The following CEP83 variants were observed in gnomAD, a reference collection of about 807,000 sequenced individuals.
CEP83 encodes the protein centrosomal protein of 83 kDa.
In CEP83, 70 loss-of-function variants were observed where a neutral mutation model predicts 101.9. That is an observed-to-expected ratio of 0.69 (90% CI 0.57 to 0.84). The LOEUF is 0.84. Among genes scored for constraint, CEP83 ranks in the 40% least tolerant of loss-of-function variants. The probability of loss-of-function intolerance (pLI) is 0.00; values close to 1 mark genes in which losing one functional copy is unlikely to be tolerated. For synonymous variants in CEP83, 264 were observed against 267.9 expected, an observed-to-expected ratio of 0.99 and a Z score of 0.14; for missense variants, 715 against 787.2, an observed-to-expected ratio of 0.91 and a Z score of 1.10.
intron 11 of CEP83, among the ~76,000 whole-genome samples, chr12:94,356,172 A>C (rs1206809806): frequency 6.6e-6 from 1 of 152,144 alleles, no homozygotes; most frequent in Admixed American, 6.5e-5. Flanking sequence ...AGTACTCTTA[A>C]AGCAATCCCT....
intron 11 of CEP83, among the ~76,000 whole-genome samples, chr12:94,341,798 C>T (rs745451246): frequency 6.6e-6 from 1 of 152,150 alleles, no homozygotes; most frequent in Non-Finnish European, 1.5e-5. Flanking sequence ...ACCTAAGGGT[C>T]AAGTTCATTA....
chr12:94,273,493 C>T, the CEP83 span, among the ~76,000 whole-genome samples: 1 of 152,268 alleles, frequency 6.6e-6, no homozygotes, highest in East Asian at 1.9e-4. Flanking sequence ...CGACCCAATT[C>T]AAATGCTGCC....
Position 94,412,581 on chromosome 12 carries a change from C to T in CEP83, c.-91G>A. The stretch of plus-strand genomic sequence containing the variant: ...CTTGCTAAGGCAGAATCTCAGGAAG[C>T]CAAATTATACCTGCACAGAGAAATA... On this transcript the variant is annotated 5_prime_UTR_variant, in exon 3 of 17. Transcript: ENST00000397809. 1 of 981,044 alleles carries T rather than the reference C, an allele frequency of 1.0e-6. No individual in the cohort carries two copies. The highest frequency in any genetic ancestry group is 1.6e-6 in the Non-Finnish European group (1 of 637,522). The allele number at this position is 981,044 out of a possible 1,614,324, so 60.8% of individuals were successfully genotyped here.
the CEP83 span, among the ~76,000 whole-genome samples, chr12:94,296,678 T>G: frequency 1.8e-4 from 28 of 152,216 alleles, no homozygotes; most frequent in Non-Finnish European, 3.5e-4. Flanking sequence ...TTCATTAGAT[T>G]CAGCTCAAGC....
At chr12:94,421,337 G>C (rs1160490877) in intron 2 of CEP83, among the ~76,000 whole-genome samples, 1 of 152,054 alleles carries the variant, frequency 6.6e-6, no homozygotes, top group Non-Finnish European at 1.5e-5. Flanking sequence ...AGGATTACAG[G>C]AATGAGCCAC....
chr12:94,303,686 C>A, downstream of CEP83: 1 of 1,199,986 alleles, frequency 8.3e-7, no homozygotes, highest in Admixed American at 3.1e-5. Flanking sequence ...ATTATAAATT[C>A]CTCCATCTTT....
At chr12:94,444,411 AAAAG>A (rs1157715021) in intron 1 of CEP83, among the ~76,000 whole-genome samples, 1 of 152,102 alleles carries the variant, frequency 6.6e-6, no homozygotes, top group Non-Finnish European at 1.5e-5. Flanking sequence ...AAAAGAAAAG[AAAAG>A]AAATTTCTAC....
chr12:94,388,429 C>T (rs571825027), intron 6 of CEP83, among the ~76,000 whole-genome samples: 12 of 152,024 alleles, frequency 7.9e-5, no homozygotes, highest in Admixed American at 5.9e-4. Flanking sequence ...CTGGGGACTA[C>T]CAGAGAGGGG....
chr12:94,338,697 G>A (rs1434786464), intron 11 of CEP83, among the ~76,000 whole-genome samples: 1 of 152,132 alleles, frequency 6.6e-6, no homozygotes, highest in Non-Finnish European at 1.5e-5. Context: ...GAGGGTGAAG[G>A]ATGAGTAAGT....
rs137940620 is a variant in CEP83 at position 94,347,050 on chromosome 12, A to AATATATATATATATAT, written c.1344-11402_1344-11387dup. Among the ~76,000 whole-genome samples the AATATATATATATATAT allele has an allele frequency of 8.4e-3, 1,107 of 131,910 alleles. 13 individuals are homozygous for AATATATATATATATAT. Among genetic ancestry groups the AATATATATATATATAT allele is most frequent in the African/African-American group, 0.024 (854 of 35,566 alleles). 86.5% of individuals were successfully genotyped at this position (131,910 alleles called of 152,430 possible). A position where few individuals can be genotyped will look rare whatever the true frequency, so the allele number is the denominator to read the frequency against. On this transcript the variant is annotated intron_variant, in intron 11 of 16. Coordinates refer to ENST00000397809, the MANE Select transcript of CEP83 (RefSeq NM_016122.3). ...AAGATCCTGTATCAAAAAATAAACA[A>AATATATATATATATAT]ATATATATATATATATATACACATA...
At chr12:94,423,967 G>A (rs1218334663) in intron 2 of CEP83, 30 of 1,613,048 alleles carry the variant, frequency 1.9e-5, no homozygotes, top group Non-Finnish European at 2.5e-5. Context: ...CCATCATGGA[G>A]GCAGGCTGGA....
chr12:94,419,471 G>A (rs566962799), intron 2 of CEP83, among the ~76,000 whole-genome samples: 20 of 152,064 alleles, frequency 1.3e-4, no homozygotes, highest in Non-Finnish European at 2.6e-4. Flanking sequence ...CCAAATGAGT[G>A]TGTCTCTATG....
At chr12:94,369,803 TTAAAA>T in intron 9 of CEP83, 114 bp downstream of exon 9, 1 of 617,654 alleles carries the variant, frequency 1.6e-6, no homozygotes, top group Non-Finnish European at 2.8e-6. Context: ...TACTCCAAAA[TTAAAA>T]CTAAATTAAG....
At chr12:94,353,358 A>G (rs1157507451) in intron 11 of CEP83, among the ~76,000 whole-genome samples, 2 of 152,204 alleles carry the variant, frequency 1.3e-5, no homozygotes, top group African/African-American at 4.8e-5. Context: ...GGAGTCCTAC[A>G]ACTGAAAATG....
rs140312100 is a variant in CEP83 at position 94,405,023 on chromosome 12, TG to T, written c.325-1762del. Among the ~76,000 whole-genome samples the T allele has an allele frequency of 5.9e-3, 892 of 152,294 alleles. 13 individuals are homozygous for T. Among genetic ancestry groups the T allele is most frequent in the African/African-American group, 0.02 (847 of 41,554 alleles). ...TTTAGTGGGAGAGTAGCTGTAGCTG[TG>T]GGAAGAAGAGGCAGTAAATGGAGCC... On this transcript the variant is annotated intron_variant, in intron 4 of 16. Coordinates refer to ENST00000397809, the MANE Select transcript of CEP83 (RefSeq NM_016122.3).
chr12:94,446,873 A>C (rs2066847669), intron 1 of CEP83, among the ~76,000 whole-genome samples: 2 of 152,220 alleles, frequency 1.3e-5, no homozygotes, highest in African/African-American at 4.8e-5. Context: ...TAATTGACAC[A>C]TCTAAACAGC....
the CEP83 span, among the ~76,000 whole-genome samples, chr12:94,296,040 T>A: frequency 6.6e-6 from 1 of 152,196 alleles, no homozygotes; most frequent in African/African-American, 2.4e-5. Context: ...GTGCTTTGGG[T>A]CCACCATCCT....
intron 1 of CEP83, among the ~76,000 whole-genome samples, chr12:94,455,941 G>C (rs1175355333): frequency 6.6e-6 from 1 of 151,972 alleles, no homozygotes. Context: ...CCAGCCACTT[G>C]GGAGGCTGAG....
chr12:94,396,819 G>C (rs1175415316), intron 6 of CEP83, among the ~76,000 whole-genome samples: 1 of 152,104 alleles, frequency 6.6e-6, no homozygotes, highest in Non-Finnish European at 1.5e-5. Flanking sequence ...ATTAACACAA[G>C]AAAATCCAAT....
Sources: allele counts gnomAD v4.1 joint callset (sites outside exome capture counted in the v4.1 genomes callset), GRCh38; gene constraint gnomAD v4.1.1; transcripts MANE v1.5; gene names NCBI Gene and HGNC (gene_info 2026-07-23, HGNC 2026-07-21).